DNM3: variants seen among roughly 807,000 people sequenced by gnomAD.
DNM3 encodes the protein dynamin 3.
DNM3 carries 47 observed loss-of-function variants against 101.6 expected under a neutral mutation model. The ratio of observed to expected loss-of-function variants is 0.46; its 90% confidence interval spans 0.37 to 0.59. The LOEUF is 0.59. Ranked by LOEUF, DNM3 falls within the 20% of genes least tolerant of loss-of-function variation. The probability of loss-of-function intolerance (pLI) is 0.00; values close to 1 mark genes in which losing one functional copy is unlikely to be tolerated. For missense variants in DNM3, 849 were observed against 1,085.7 expected, an observed-to-expected ratio of 0.78 and a Z score of 3.06; for synonymous variants, 385 against 387.9, an observed-to-expected ratio of 0.99 and a Z score of 0.09.
chr1:171,997,996 G>A (rs2046112055), intron 4 of DNM3, among the ~76,000 whole-genome samples: 1 of 152,114 alleles, frequency 6.6e-6, no homozygotes, highest in East Asian at 1.9e-4. Context: ...ATAATCCAAA[G>A]TATGCCAGTC....
At chr1:171,962,208 ACT>A (rs1439769425) in intron 2 of DNM3, among the ~76,000 whole-genome samples, 1 of 152,150 alleles carries the variant, frequency 6.6e-6, no homozygotes, top group East Asian at 1.9e-4. Flanking sequence ...GATCCAATCA[ACT>A]CTTAGAGGCT....
At chr1:172,215,653 C>G (rs511206) in intron 14 of DNM3, among the ~76,000 whole-genome samples, 2 of 151,640 alleles carry the variant, frequency 1.3e-5, no homozygotes, top group Non-Finnish European at 2.9e-5. Context: ...ATAGCAAAAA[C>G]AAATTTTTAA....
At chr1:172,143,307 A>G (rs2057690709) in intron 14 of DNM3, among the ~76,000 whole-genome samples, 1 of 152,182 alleles carries the variant, frequency 6.6e-6, no homozygotes, top group Non-Finnish European at 1.5e-5. Flanking sequence ...CCTGTAGAAG[A>G]GATGTTTTCA....
chr1:171,926,442 C>T (rs2040579013), intron 2 of DNM3, among the ~76,000 whole-genome samples: 1 of 152,118 alleles, frequency 6.6e-6, no homozygotes, highest in Admixed American at 6.6e-5. Context: ...ATGTGGATAT[C>T]CACTAGTCCC....
intron 20 of DNM3, among the ~76,000 whole-genome samples, chr1:172,394,794 A>C (rs967373525): frequency 1.3e-5 from 2 of 152,204 alleles, no homozygotes; most frequent in African/African-American, 4.8e-5. Context: ...TCCTGCAACC[A>C]GTCAGTAGCA....
intron 14 of DNM3, among the ~76,000 whole-genome samples, chr1:172,236,131 C>T (rs1377697524): frequency 6.6e-6 from 1 of 152,104 alleles, no homozygotes; most frequent in Non-Finnish European, 1.5e-5. Flanking sequence ...CTGTTGCTGT[C>T]CTCAACTACT....
chr1:172,189,706 A>G (rs1182760489), intron 14 of DNM3, among the ~76,000 whole-genome samples: 2 of 152,042 alleles, frequency 1.3e-5, no homozygotes, highest in East Asian at 1.9e-4. Context: ...GATTTAATCA[A>G]TTCACAGTTC....
At chr1:171,964,703 G>A (rs560378694) in intron 2 of DNM3, among the ~76,000 whole-genome samples, 11 of 152,158 alleles carry the variant, frequency 7.2e-5, no homozygotes, top group African/African-American at 2.4e-4. Flanking sequence ...TTGATTCATG[G>A]TATTCTACCA....
intron 14 of DNM3, among the ~76,000 whole-genome samples, chr1:172,252,226 G>A (rs1268511186): frequency 6.6e-6 from 1 of 152,044 alleles, no homozygotes; most frequent in Admixed American, 6.6e-5. Flanking sequence ...CTGTTCACAC[G>A]TGACTTTATT....
At chr1:171,901,616 A>G (rs932277917) in intron 1 of DNM3, among the ~76,000 whole-genome samples, 3 of 152,238 alleles carry the variant, frequency 2.0e-5, no homozygotes, top group Non-Finnish European at 4.4e-5. Flanking sequence ...AATAATGCCA[A>G]TAAAAGCTCA....
At chr1:172,276,603 G>T (rs1024673688) in intron 15 of DNM3, among the ~76,000 whole-genome samples, 3 of 128,512 alleles carry the variant, frequency 2.3e-5, no homozygotes, top group African/African-American at 8.5e-5. Context: ...CTATGTTCCA[G>T]CTGGCCTTAT....
intron 14 of DNM3, among the ~76,000 whole-genome samples, chr1:172,219,170 T>C (rs564162650): frequency 3.3e-4 from 50 of 151,668 alleles, no homozygotes; most frequent in African/African-American, 1.2e-3. Context: ...CTGGGCAACA[T>C]AGAAAGATCT....
chr1:172,227,104 A>T (rs924816215), intron 14 of DNM3, among the ~76,000 whole-genome samples: 2 of 151,362 alleles, frequency 1.3e-5, no homozygotes, highest in Non-Finnish European at 2.9e-5. Flanking sequence ...ACCACTTTGT[A>T]TGTCCTTGCA....
At chr1:172,278,626 A>C (rs1400279099) in intron 15 of DNM3, among the ~76,000 whole-genome samples, 1 of 152,118 alleles carries the variant, frequency 6.6e-6, no homozygotes, top group Non-Finnish European at 1.5e-5. Flanking sequence ...TGTGTGATTC[A>C]CTAGCCCTTT....
chr1:171,998,295 C>G (rs1246644316), intron 4 of DNM3, among the ~76,000 whole-genome samples: 2 of 152,098 alleles, frequency 1.3e-5, no homozygotes, highest in East Asian at 3.9e-4. Context: ...GTGGTTTGCT[C>G]TAAACTTCTA....
intron 1 of DNM3, among the ~76,000 whole-genome samples, chr1:171,850,158 G>A (rs1234570919): frequency 6.6e-6 from 1 of 152,184 alleles, no homozygotes; most frequent in Non-Finnish European, 1.5e-5. Context: ...ACAACCAAGT[G>A]TTCAGGAGGT....
At chr1:172,081,712 C>A in intron 11 of DNM3, 120 bp from the exon 12 acceptor site, 1 of 738,632 alleles carries the variant, frequency 1.4e-6, no homozygotes, top group East Asian at 2.7e-5. Flanking sequence ...ACTTTTCATG[C>A]TAATTGAAGT....
intron 4 of DNM3, among the ~76,000 whole-genome samples, chr1:172,029,440 G>A (rs2048444764): frequency 6.6e-6 from 1 of 152,108 alleles, no homozygotes; most frequent in Admixed American, 6.6e-5. Flanking sequence ...CAAACCCACA[G>A]CCAATGTCAT....
chr1:172,023,179 C>T (rs1448679811), intron 4 of DNM3, among the ~76,000 whole-genome samples: 1 of 152,108 alleles, frequency 6.6e-6, no homozygotes, highest in Non-Finnish European at 1.5e-5. Context: ...TCTCTGTTCT[C>T]TCATTCCCAT....
Sources: gnomAD v4.1 joint callset for allele counts (sites outside exome capture counted in the v4.1 genomes callset) on GRCh38, gnomAD v4.1.1 for gene constraint, MANE v1.5 for transcripts, NCBI Gene and HGNC (gene_info 2026-07-23, HGNC 2026-07-21) for gene names.